The following SNTG2 variants were observed in gnomAD, a reference collection of about 807,000 sequenced individuals.
SNTG2 encodes the protein gamma-2-syntrophin.
In SNTG2, 74 loss-of-function variants were observed where a neutral mutation model predicts 70.9. The ratio of observed to expected loss-of-function variants is 1.04; its 90% CI spans 0.86 to 1.27. SNTG2 has a LOEUF of 1.27. SNTG2 is among the 50% of genes most tolerant of loss of function. The pLI is 0.00. For synonymous variants in SNTG2, 278 were observed against 273.8 expected (o/e 1.02, Z -0.15); for missense variants, 717 against 690.7 (o/e 1.04, Z -0.43).
At chr2:1,005,103 T>A (rs1382991090) in intron 1 of SNTG2, among the ~76,000 whole-genome samples, 1 of 152,170 alleles carries the variant, frequency 6.6e-6, no homozygotes, top group Non-Finnish European at 1.5e-5. Context: ...GACTGCATGA[T>A]GCCAACTGTA....
At chr2:1,050,183 A>T (rs889084805) in intron 1 of SNTG2, among the ~76,000 whole-genome samples, 1 of 152,120 alleles carries the variant, frequency 6.6e-6, no homozygotes. Flanking sequence ...CACTGAACAG[A>T]ATTTTTTTCC....
chr2:1,061,381 T>C (rs1416562183), intron 1 of SNTG2, among the ~76,000 whole-genome samples: 1 of 152,218 alleles, frequency 6.6e-6, no homozygotes, highest in Non-Finnish European at 1.5e-5. Flanking sequence ...TCTGCACAAC[T>C]TGTGTGCAGA....
chr2:1,304,673 C>T (rs942094472), intron 14 of SNTG2, among the ~76,000 whole-genome samples: 1 of 151,348 alleles, frequency 6.6e-6, no homozygotes, highest in Non-Finnish European at 1.5e-5. Flanking sequence ...TTGCAGTGAG[C>T]CGAGATCACC....
chr2:1,236,432 A>G (rs1231707405), intron 9 of SNTG2, among the ~76,000 whole-genome samples: 1 of 152,234 alleles, frequency 6.6e-6, no homozygotes, highest in Non-Finnish European at 1.5e-5. Flanking sequence ...GTGGAGGCAG[A>G]GCTGCCTGCC....
chr2:1,233,210 G>C (rs570338192), intron 9 of SNTG2, among the ~76,000 whole-genome samples: 2 of 152,280 alleles, frequency 1.3e-5, no homozygotes, highest in South Asian at 4.2e-4. Flanking sequence ...AGTTTTTAGG[G>C]TCAAATTTTA....
intron 1 of SNTG2, among the ~76,000 whole-genome samples, chr2:1,047,798 G>A (rs557867770): frequency 3.3e-5 from 5 of 152,166 alleles, no homozygotes; most frequent in Non-Finnish European, 7.3e-5. Flanking sequence ...TCCCATTCAA[G>A]TGTTGGCTGT....
intron 11 of SNTG2, among the ~76,000 whole-genome samples, chr2:1,246,981 T>C (rs1677469387): frequency 6.6e-6 from 1 of 152,204 alleles, no homozygotes; most frequent in Non-Finnish European, 1.5e-5. Flanking sequence ...TTTTACTACC[T>C]CATAGAAAAA....
At chr2:975,347 T>C (rs6753458) in intron 1 of SNTG2, among the ~76,000 whole-genome samples, 57,262 of 150,196 alleles carry the variant, frequency 0.38, 11,046 homozygotes, top group Middle Eastern at 0.47. Flanking sequence ...AAACACCACA[T>C]GCTTGGACTC....
intron 6 of SNTG2, among the ~76,000 whole-genome samples, chr2:1,152,438 G>A (rs139966777): frequency 9.6e-4 from 146 of 152,336 alleles, no homozygotes; most frequent in African/African-American, 3.3e-3. Flanking sequence ...CTGCATATAT[G>A]TGTGCACATC....
intron 1 of SNTG2, among the ~76,000 whole-genome samples, chr2:1,061,934 G>A (rs1662851005): frequency 6.6e-6 from 1 of 152,018 alleles, no homozygotes; most frequent in Non-Finnish European, 1.5e-5. Context: ...AAGAAAAAAT[G>A]AATATATACT....
At chr2:1,226,419 C>T (rs1342322323) in intron 9 of SNTG2, among the ~76,000 whole-genome samples, 9 of 152,138 alleles carry the variant, frequency 5.9e-5, no homozygotes, top group Admixed American at 5.9e-4. Context: ...TGGGGCCGTG[C>T]CACGCTCCAT....
intron 6 of SNTG2, among the ~76,000 whole-genome samples, chr2:1,151,075 A>T (rs1669452320): frequency 6.6e-6 from 1 of 152,252 alleles, no homozygotes; most frequent in Admixed American, 6.5e-5. Context: ...GAGTTGGAAA[A>T]GTATAGAATA....
chr2:1,111,945 G>A (rs1666482315), intron 4 of SNTG2, among the ~76,000 whole-genome samples: 1 of 90,294 alleles, frequency 1.1e-5, no homozygotes, highest in South Asian at 3.2e-4. Context: ...TGTGTACTAA[G>A]TGAGGTTTAA....
chr2:1,122,201 T>C (rs1284490957), intron 4 of SNTG2, among the ~76,000 whole-genome samples: 2 of 152,184 alleles, frequency 1.3e-5, no homozygotes, highest in Non-Finnish European at 2.9e-5. Context: ...ATATGAATAC[T>C]TCTCAAACTC....
chr2:1,123,452 T>C (rs1377674334), intron 4 of SNTG2, among the ~76,000 whole-genome samples: 4 of 152,156 alleles, frequency 2.6e-5, no homozygotes, highest in Non-Finnish European at 4.4e-5. Context: ...GAGGATACAA[T>C]GGAGAATGTA....
intron 14 of SNTG2, among the ~76,000 whole-genome samples, chr2:1,298,086 G>GC (rs1397205812): frequency 2.6e-5 from 4 of 152,102 alleles, no homozygotes; most frequent in Admixed American, 2.6e-4. Flanking sequence ...CAATCTATCA[G>GC]CATGTCAGCA....
chr2:1,206,641 A>T (rs899047595), intron 8 of SNTG2, among the ~76,000 whole-genome samples: 1 of 152,182 alleles, frequency 6.6e-6, no homozygotes, highest in African/African-American at 2.4e-5. Context: ...TTCAGGGTTT[A>T]TCAGTGGCCT....
chr2:1,015,348 A>G (rs2148001669), intron 1 of SNTG2, among the ~76,000 whole-genome samples: 1 of 152,348 alleles, frequency 6.6e-6, no homozygotes, highest in South Asian at 2.1e-4. Context: ...ATTTGGCCAC[A>G]TTAAAATAAA....
chr2:1,162,492 C>T (rs1670384961), intron 6 of SNTG2, among the ~76,000 whole-genome samples: 3 of 152,174 alleles, frequency 2.0e-5, no homozygotes, highest in Admixed American at 1.3e-4. Flanking sequence ...TTACACTGCA[C>T]TGAGCTCCCG....
Sources: allele counts gnomAD v4.1 joint callset (sites outside exome capture counted in the v4.1 genomes callset), GRCh38; gene constraint gnomAD v4.1.1; transcripts MANE v1.5; gene names NCBI Gene and HGNC (gene_info 2026-07-23, HGNC 2026-07-21).